TTN: variants seen among roughly 807,000 people sequenced by gnomAD.
TTN encodes connectin.
TTN carries 1,525 observed loss-of-function variants against 3,223.0 expected under a neutral mutation model. The ratio of observed to expected loss-of-function variants is 0.47; its 90% CI spans 0.45 to 0.49. The LOEUF (loss-of-function observed/expected upper bound fraction) is 0.49. Ranked by LOEUF, TTN falls within the 20% of genes least tolerant of loss-of-function variation. The probability of loss-of-function intolerance (pLI) is 0.00; values close to 1 mark genes in which losing one functional copy is unlikely to be tolerated. For synonymous variants in TTN, 14,094 were observed against 15,161.0 expected (o/e 0.93, Z 5.17); for missense variants, 40,786 against 43,424.0 (o/e 0.94, Z 5.40).
At chr2:178,665,989 T>C (rs544413514) in intron 163 of TTN, among the ~76,000 whole-genome samples, 198 bp from the exon 164 acceptor site, 2 of 152,264 alleles carry the variant, frequency 1.3e-5, no homozygotes, top group East Asian at 3.9e-4. Context: ...TCAGTATTAG[T>C]AATTTTATTT....
rs1471462382 is a variant in TTN at position 178,804,599 on chromosome 2, A to G, written c.44T>C (p.Val15Ala). Residue 15 changes from valine (V) to alanine (A), a missense_variant, in exon 2 of 363, where the codon GTT (valine) becomes GCT (alanine). Physicochemically the swap from Val to Ala is moderately conservative, Grantham distance 64. Coordinates refer to ENST00000589042, the MANE Select transcript of TTN (RefSeq NM_001267550.2). ...TGCGGTACTACCCTCCAGTACCACA[A>G]CGCTTTGTAACGGCTGCGTAAACGT... ...APTFTQPLQS[V>A]VVLEGSTATF... The G allele has an allele frequency of 3.7e-6, 6 of 1,614,016 alleles. No individual in the cohort carries two copies. The highest frequency in any genetic ancestry group is 3.3e-5 in the Admixed American group (2 of 60,022).
At chr2:178,543,701 C>T (rs2154143692) in intron 346 of TTN, 39 bp from the exon 347 acceptor site, 2 of 1,531,822 alleles carry the variant, frequency 1.3e-6, no homozygotes, top group African/African-American at 2.8e-5. Context: ...TCCTATTTGC[C>T]TGATAGCTTT....
intron 2 of TTN, 40 bp downstream of exon 2, chr2:178,804,512 C>T (rs2094221319): frequency 6.3e-7 from 1 of 1,598,786 alleles, no homozygotes; most frequent in Non-Finnish European, 8.6e-7. Context: ...GGAGAGGAGG[C>T]AAAGGAAAAA....
In TTN at chr2:178,728,350, T is replaced by C. The variant is rs781106189; in HGVS notation, c.19474A>G (p.Lys6492Glu). Residue 6492 changes from lysine (K) to glutamate (E), a missense_variant, in exon 67 of 363, where the codon AAA becomes GAA. By Grantham distance (56) the Lys-to-Glu change is moderately conservative. Transcript: ENST00000589042. ...ATATGAATAGAAGAGCCCAGAACTTTATCCATTTTGGTTAATTTTTTGGTG... is the reference window on the plus strand; with the variant it reads ...ATATGAATAGAAGAGCCCAGAACTTCATCCATTTTGGTTAATTTTTTGGTG... ...SFTKKLTKMD[K>E]VLGSSIHMEC... The C allele has an allele frequency of 9.3e-6, 15 of 1,606,512 alleles. No homozygotes were observed. In the South Asian group the frequency reaches 1.1e-4, roughly 12 times the overall value.
rs2047219042 is a variant in TTN, at chr2:178,579,543, G to A, written c.67636+18C>T. 1 of 1,610,518 alleles carries A rather than the reference G, an allele frequency of 6.2e-7. No individual in the cohort carries two copies. Among genetic ancestry groups the A allele is most frequent in the African/African-American group, 1.3e-5 (1 of 74,662 alleles). On this transcript the variant is annotated intron_variant, in intron 319 of 362. Coordinates refer to ENST00000589042, the MANE Select transcript of TTN (RefSeq NM_001267550.2). The stretch of plus-strand genomic sequence containing the variant: ...ATGACAATAAAGGAAAAATGAAGAT[G>A]TGTGCATAGAGCCTTACCAACATCA...
At position 178,779,453 on chromosome 2, in the gene TTN, T is replaced by C. The variant is rs1348368502; in HGVS notation, c.3739A>G (p.Ile1247Val). 9 of 1,526,886 alleles carry C rather than the reference T, an allele frequency of 5.9e-6. No individual in the cohort carries two copies. The highest frequency in any genetic ancestry group is 4.5e-6 in the Non-Finnish European group (5 of 1,105,476). 94.6% of individuals were successfully genotyped at this position (1,526,886 alleles called of 1,614,324 possible). A position where few individuals can be genotyped will look rare whatever the true frequency, so the allele number is the denominator to read the frequency against. Residue 1247 changes from isoleucine (I) to valine (V), a missense_variant, in exon 23 of 363, where the codon ATT (isoleucine) becomes GTT (valine). Ile to Val is a conservative substitution (Grantham distance 29). Coordinates refer to ENST00000589042, the MANE Select transcript of TTN (RefSeq NM_001267550.2). The stretch of plus-strand genomic sequence containing the variant: ...ATAAGTCTCTCTTCAAAGGAAGAAA[T>C]ATGGAATTCCTATGCAAAAAGATTA... ...RTYVEDQEFH[I>V]SSFEERLIKE...
rs2060256248 is a variant in TTN at position 178,634,995 on chromosome 2, T to C, written c.42025-146A>G. 8 of 1,358,238 alleles carry C rather than the reference T, an allele frequency of 5.9e-6. No individual in the cohort carries two copies. The East Asian group carries it at 1.7e-4, about 29-fold the overall frequency. 84.1% of individuals were successfully genotyped at this position (1,358,238 alleles called of 1,614,324 possible). On this transcript the variant is annotated intron_variant, in intron 228 of 362. Transcript: ENST00000589042. This position sits in a 1 kb window ranked among gnomAD's most constrained non-coding sequence, Gnocchi z 4.6. ...TCCCTGTCATAACATTTTACACAAA[T>C]TGTTCAAGTTGTCCCCAAATGATAC... is the stretch of plus-strand genomic sequence containing the variant.
At position 178,594,932 on chromosome 2, in the gene TTN, C is replaced by T. The variant is rs62178962; in HGVS notation, c.57848-286G>A. On this transcript the variant is annotated intron_variant, in intron 295 of 362. Transcript: ENST00000589042. ...TAGAAGTAGGAAAATAATTCAGTTT[C>T]TATTAATGCCATTAAGTGGGAAATT... 0.1 allele frequency among the ~76,000 whole-genome samples: 15,524 copies of T among 151,994 alleles called. 1,121 individuals are homozygous for T. The highest frequency in any genetic ancestry group is 0.15 in the Non-Finnish European group (10,515 of 67,948).
At position 178,551,259 on chromosome 2, in the gene TTN, G is replaced by A. The variant is rs1699307394; in HGVS notation, c.91272C>T (p.Asp30424=). 6.2e-7 allele frequency: 1 copy of A among 1,605,682 alleles called. No individual in the cohort carries two copies. Among genetic ancestry groups the A allele is most frequent in the Middle Eastern group, 1.7e-4 (1 of 6,028 alleles). The change falls in exon 336 of 363, where the codon GAC becomes GAT. Residue 30424 remains aspartate (D), a splice_region_variant and synonymous_variant. Coordinates refer to ENST00000589042, the MANE Select transcript of TTN (RefSeq NM_001267550.2). ...CAATGTAGTCAGGAGTGCCAGGTGG[G>A]TCTAAAAAATTATAAGGAAGGTAAA... is the stretch of plus-strand genomic sequence containing the variant. ...SKFTLAVSPV[D]PPGTPDYIDV...
Position 178,728,814 on chromosome 2 carries a change from G to A in TTN, c.19148-36C>T, listed in dbSNP as rs761608143. Reference sequence around the variant, plus strand: ...AATGAAAATGTGGATGAGTTACATTGGTAACTCCACTAGAAATAATGTCTG... The same window carrying A: ...AATGAAAATGTGGATGAGTTACATTAGTAACTCCACTAGAAATAATGTCTG... On this transcript the variant is annotated intron_variant, in intron 65 of 362. Coordinates refer to ENST00000589042, the MANE Select transcript of TTN (RefSeq NM_001267550.2). The A allele has an allele frequency of 2.5e-6, 4 of 1,579,572 alleles. No individual in the cohort carries two copies. In the South Asian group the frequency reaches 3.5e-5, roughly 14 times the overall value.
At chr2:178,664,142 T>A in intron 168 of TTN, 44 bp from the exon 169 acceptor site, 1 of 1,529,826 alleles carries the variant, frequency 6.5e-7, no homozygotes, top group Non-Finnish European at 8.9e-7. Flanking sequence ...ATACAGAGAT[T>A]ACTAGATAGA....
chr2:178,593,779 A>G lies in TTN; in HGVS notation c.58521T>C (p.Asp19507=), dbSNP rs773058704. Residue 19507 remains aspartate, a synonymous_variant, in exon 298 of 363, where the codon GAT becomes GAC. Coordinates refer to ENST00000589042, the MANE Select transcript of TTN (RefSeq NM_001267550.2). Reference sequence around the variant, plus strand: ...TATAATTGGTGATTTTACTGCCTCCATCATCTAAAGGAGGCTTCCAAGAGA... The same window carrying G: ...TATAATTGGTGATTTTACTGCCTCCGTCATCTAAAGGAGGCTTCCAAGAGA... ...MVISWKPPLD[D]GGSKITNYII... is the part of the protein sequence containing the mutation. The G allele has an allele frequency of 1.9e-6, 3 of 1,612,978 alleles. No individual in the cohort carries two copies. Among genetic ancestry groups the G allele is most frequent in the African/African-American group, 2.7e-5 (2 of 74,880 alleles).
chr2:178,641,251 T>C lies in TTN; in HGVS notation c.40623A>G (p.Lys13541=). 2 of 1,510,766 alleles carry C rather than the reference T, an allele frequency of 1.3e-6. No homozygotes were observed. The highest frequency in any genetic ancestry group is 1.8e-6 in the Non-Finnish European group (2 of 1,130,126). 93.6% of individuals were successfully genotyped at this position (1,510,766 alleles called of 1,614,324 possible). ...KVEPKKLEKV[K]KPAVPEPPPP... ...CACTGAGATTCCTACCTGCAGGTTT[T>C]TTAACTTTTTCTAGTTTTTTAGGTT... The change falls in exon 220 of 363, where the codon AAA becomes AAG. Residue 13541 remains lysine (K), a synonymous_variant. Coordinates refer to ENST00000589042, the MANE Select transcript of TTN (RefSeq NM_001267550.2).
At position 178,593,237 on chromosome 2, in the gene TTN, T is replaced by G. The variant is rs200728232; in HGVS notation, c.58971A>C (p.Glu19657Asp). The change falls in exon 299 of 363, where the codon GAA (glutamate) becomes GAC (aspartate). Residue 19657 changes from glutamate (E) to aspartate (D), a missense_variant. Coordinates refer to ENST00000589042, the MANE Select transcript of TTN (RefSeq NM_001267550.2). ...GCQYEFRVSA[E>D]NEIGIGDPSP... Reference sequence around the variant, plus strand: ...TTGGATCTCCAATACCAATTTCATTTTCTGCAGAAACCCGGAATTCATACT... The same window carrying G: ...TTGGATCTCCAATACCAATTTCATTGTCTGCAGAAACCCGGAATTCATACT... The G allele has an allele frequency of 2.9e-5, 47 of 1,613,384 alleles. No homozygotes were observed. In the African/African-American group the frequency reaches 5.6e-4, roughly 19 times the overall value.
intron 11 of TTN, 148 bp downstream of exon 11, chr2:178,790,560 G>A (rs2093431983): frequency 7.5e-6 from 9 of 1,192,362 alleles, no homozygotes; most frequent in Non-Finnish European, 1.2e-6. Flanking sequence ...ACAGTGAAAG[G>A]TAGCTGTGTG....
chr2:178,702,586 C>G lies in TTN; in HGVS notation c.30301G>C (p.Val10101Leu). Residue 10101 changes from valine (V) to leucine (L), a missense_variant, in exon 107 of 363, where the codon GTG (valine) becomes CTG (leucine). Physicochemically the swap from Val to Leu is conservative, Grantham distance 32 (BLOSUM62 1). Transcript: ENST00000589042. The part of the protein sequence containing the change: ...EHQSATFECE[V>L]SFDDAIVTWY... ...GTTACAATGGCATCATCAAAGGACA[C>G]TTCACACTCAAAGGTGGCAGACTGA... 6.2e-7 allele frequency: 1 copy of G among 1,613,974 alleles called. No individual in the cohort carries two copies. Among genetic ancestry groups the G allele is most frequent in the Non-Finnish European group, 8.5e-7 (1 of 1,179,892 alleles).
chr2:178,707,763 T>G lies in TTN; in HGVS notation c.28804A>C (p.Ser9602Arg), dbSNP rs768790360. The G allele has an allele frequency of 1.2e-6, 2 of 1,613,770 alleles. No individual in the cohort carries two copies. Among genetic ancestry groups the G allele is most frequent in the South Asian group, 2.2e-5 (2 of 91,036 alleles). The change falls in exon 100 of 363, where the codon AGT becomes CGT. Residue 9602 changes from serine (S) to arginine (R), a missense_variant. Coordinates refer to ENST00000589042, the MANE Select transcript of TTN (RefSeq NM_001267550.2). The part of the protein sequence containing the change: ...FDQHLTPVTV[S>R]EGEYVQLSCH... The stretch of plus-strand genomic sequence containing the variant: ...CTGAGCTGCACGTATTCTCCTTCAC[T>G]CACTGTTACTGGAGTAAGGTGCTGA...
At chr2:178,556,607 T>C (rs950211449) in intron 330 of TTN, 14 of 523,134 alleles carry the variant, frequency 2.7e-5, no homozygotes, top group South Asian at 1.2e-4. Flanking sequence ...TCATAAAAGG[T>C]TGAAGTTGGA....
chr2:178,771,955 C>T (rs1004116921), intron 33 of TTN, among the ~76,000 whole-genome samples: 1 of 152,124 alleles, frequency 6.6e-6, no homozygotes, highest in African/African-American at 2.4e-5. Flanking sequence ...AAGTTTCACC[C>T]CATTGCCTCC....
Sources: gnomAD v4.1 joint callset for allele counts (sites outside exome capture counted in the v4.1 genomes callset) on GRCh38, gnomAD v4.1.1 for gene constraint, Gnocchi (gnomAD v3.1) non-coding constraint, MANE v1.5 for transcripts, NCBI Gene and HGNC (gene_info 2026-07-23, HGNC 2026-07-21) for gene names.